SH3BGRL: variants seen among roughly 807,000 people sequenced by gnomAD.
SH3BGRL encodes adapter SH3BGRL.
Under a neutral mutation model 9.8 loss-of-function variants are expected in SH3BGRL, and 7 were observed. The observed-to-expected ratio is 0.72, with a 90% CI of 0.41 to 1.35. SH3BGRL has a LOEUF of 1.35. SH3BGRL is among the 40% of genes most tolerant of loss of function. The pLI is 0.01. For missense variants in SH3BGRL, 73 were observed against 84.4 expected (o/e 0.86, Z 0.53); for synonymous variants, 36 against 29.1 (o/e 1.24, Z -0.76).
intron 1 of SH3BGRL, among the ~76,000 whole-genome samples, chrX:81,272,716 G>A (rs2075785055): frequency 9.1e-6 from 1 of 109,814 alleles, no homozygotes; most frequent in South Asian, 3.9e-4. Flanking sequence ...AGTCAGGATG[G>A]TCTCGATCTC....
intron 2 of SH3BGRL, among the ~76,000 whole-genome samples, chrX:81,277,806 T>C (rs1410035623): frequency 1.8e-5 from 2 of 111,879 alleles, no homozygotes; most frequent in African/African-American, 3.2e-5. Flanking sequence ...TTTTGTGACA[T>C]AGAATAGCAT....
intron 1 of SH3BGRL, among the ~76,000 whole-genome samples, chrX:81,217,488 A>G (rs1337972702): frequency 1.8e-5 from 2 of 111,359 alleles, no homozygotes; most frequent in Non-Finnish European, 3.8e-5. Context: ...CTAAATTTCC[A>G]TCTTGATTTT....
At chrX:81,267,439 G>A (rs1212521459) in intron 1 of SH3BGRL, among the ~76,000 whole-genome samples, 1 of 111,787 alleles carries the variant, frequency 8.9e-6, no homozygotes, top group African/African-American at 3.3e-5. Flanking sequence ...CTTGTCAAAG[G>A]CCTTTTCTGC....
At chrX:81,278,709 A>G (rs749823464) in intron 3 of SH3BGRL, among the ~76,000 whole-genome samples, 2 of 111,969 alleles carry the variant, frequency 1.8e-5, no homozygotes, top group Admixed American at 9.4e-5. Context: ...TAAAGCCTTC[A>G]TTATTCCAGC....
chrX:81,238,261 A>G (rs2075654919), intron 1 of SH3BGRL, among the ~76,000 whole-genome samples: 1 of 111,415 alleles, frequency 9.0e-6, no homozygotes, highest in African/African-American at 3.3e-5. Flanking sequence ...AAGGGAGCCC[A>G]CTGCCCTGAA....
intron 1 of SH3BGRL, among the ~76,000 whole-genome samples, chrX:81,235,585 A>C (rs1370848843): frequency 9.0e-6 from 1 of 111,443 alleles, no homozygotes; most frequent in East Asian, 2.8e-4. Flanking sequence ...AGTGTTTTTA[A>C]TGCAGACTCC....
At chrX:81,294,060 A>C (rs1011016024) in intron 3 of SH3BGRL, among the ~76,000 whole-genome samples, 14 of 110,640 alleles carry the variant, frequency 1.3e-4, no homozygotes, top group Non-Finnish European at 2.3e-4. Flanking sequence ...GGTTAAAGGC[A>C]TTCACTTTCA....
At chrX:81,256,977 C>T (rs1478212829) in intron 1 of SH3BGRL, among the ~76,000 whole-genome samples, 2 of 111,002 alleles carry the variant, frequency 1.8e-5, no homozygotes, top group East Asian at 5.7e-4. Context: ...CTCTATATAT[C>T]TCTAGTTTCT....
intron 1 of SH3BGRL, among the ~76,000 whole-genome samples, chrX:81,267,550 A>T (rs1216336053): frequency 4.5e-5 from 5 of 111,783 alleles, no homozygotes; most frequent in Non-Finnish European, 9.4e-5. Context: ...CCTCCCAGGG[A>T]TGAAGCTGAC....
chrX:81,292,908 A>G (rs1381034432), intron 3 of SH3BGRL, among the ~76,000 whole-genome samples: 1 of 111,643 alleles, frequency 9.0e-6, no homozygotes, highest in African/African-American at 3.3e-5. Flanking sequence ...GACACTAGTG[A>G]TAGCTGATGA....
chrX:81,219,287 TTGAG>T (rs2147671630), intron 1 of SH3BGRL, among the ~76,000 whole-genome samples: 1 of 110,754 alleles, frequency 9.0e-6, no homozygotes, highest in Non-Finnish European at 1.9e-5. Context: ...TTCAGTCTTC[TTGAG>T]TTTCTTTCAT....
At chrX:81,269,353 A>G (rs1386739339) in intron 1 of SH3BGRL, among the ~76,000 whole-genome samples, 1 of 111,673 alleles carries the variant, frequency 9.0e-6, no homozygotes, top group African/African-American at 3.3e-5. Context: ...AGTGGTTGGT[A>G]CCAGTTGCTC....
intron 1 of SH3BGRL, among the ~76,000 whole-genome samples, chrX:81,264,821 T>C (rs1166347974): frequency 9.1e-6 from 1 of 110,348 alleles, no homozygotes; most frequent in African/African-American, 3.3e-5. Flanking sequence ...CAGTGCTCCT[T>C]ATTTCACAGC....
chrX:81,202,557 T>A (rs1481971445), intron 1 of SH3BGRL: 2 of 847,029 alleles, frequency 2.4e-6, no homozygotes, highest in Non-Finnish European at 2.9e-6. Flanking sequence ...TTACGTGAAG[T>A]CAAGTAAAAT....
chrX:81,241,219 G>A (rs928054414), intron 1 of SH3BGRL, among the ~76,000 whole-genome samples: 6 of 112,241 alleles, frequency 5.3e-5, no homozygotes, highest in Non-Finnish European at 1.1e-4. Flanking sequence ...TTTGTGCACT[G>A]AGGAGCATGA....
intron 1 of SH3BGRL, among the ~76,000 whole-genome samples, chrX:81,206,129 A>G (rs1401351479): frequency 2.7e-5 from 3 of 111,364 alleles, no homozygotes; most frequent in Non-Finnish European, 5.7e-5. Flanking sequence ...CTCTTGTCAG[A>G]TGGATAGTTG....
At chrX:81,223,751 A>G (rs1250452691) in intron 1 of SH3BGRL, among the ~76,000 whole-genome samples, 1 of 111,364 alleles carries the variant, frequency 9.0e-6, no homozygotes, top group Non-Finnish European at 1.9e-5. Flanking sequence ...TCCAGGCTAG[A>G]TTGCAGTGAT....
At chrX:81,281,412 T>C (rs780007851) in intron 3 of SH3BGRL, among the ~76,000 whole-genome samples, 52 of 111,987 alleles carry the variant, frequency 4.6e-4, no homozygotes, top group African/African-American at 1.7e-3. Context: ...ATAAGAGCTG[T>C]GAGACAGAAG....
chrX:81,293,766 T>C (rs762577855), intron 3 of SH3BGRL, among the ~76,000 whole-genome samples: 1 of 111,573 alleles, frequency 9.0e-6, no homozygotes, highest in African/African-American at 3.3e-5. Context: ...GACAGGAAAA[T>C]GTGGGAAAGT....
Sources: allele counts gnomAD v4.1 joint callset (sites outside exome capture counted in the v4.1 genomes callset), GRCh38; gene constraint gnomAD v4.1.1; transcripts MANE v1.5; gene names NCBI Gene and HGNC (gene_info 2026-07-23, HGNC 2026-07-21).